Variants in ARHGEF26 observed in about 807,000 individuals in gnomAD.
The protein encoded by ARHGEF26 is Rho guanine nucleotide exchange factor (GEF) 26.
Under a neutral mutation model 89.4 loss-of-function variants are expected in ARHGEF26, and 59 were observed. That is an observed-to-expected ratio of 0.66 (90% CI 0.54 to 0.82). The LOEUF (loss-of-function observed/expected upper bound fraction) is 0.82, where lower values mean the gene tolerates loss of function less well. Among genes scored for constraint, ARHGEF26 ranks in the 40% least tolerant of loss-of-function variants. The pLI is 0.00. For missense variants in ARHGEF26, 1,234 were observed against 1,085.6 expected, an observed-to-expected ratio of 1.14 and a Z score of -1.92; for synonymous variants, 500 against 428.4, an observed-to-expected ratio of 1.17 and a Z score of -2.06.
chr3:154,256,924 A>AGAT lies in ARHGEF26; in HGVS notation c.*1452_*1454dup, dbSNP rs1180178228. The AGAT allele has an allele frequency of 6.5e-7, 1 of 1,534,952 alleles. No individual in the cohort carries two copies. The highest frequency in any genetic ancestry group is 2.0e-5 in the Admixed American group (1 of 50,926). ...CGGTTTCATGGAGATGAAGGATGGGAGATTAAGAGGGGGGAAATGATTTTT... is the reference window on the plus strand; with the variant it reads ...CGGTTTCATGGAGATGAAGGATGGGAGATGATTAAGAGGGGGGAAATGATTTTT... On this transcript the variant is annotated 3_prime_UTR_variant, in exon 15 of 15. Coordinates refer to ENST00000465093, the MANE Select transcript of ARHGEF26 (RefSeq NM_015595.4).
chr3:154,183,801 A>G (rs1713328132), intron 6 of ARHGEF26, among the ~76,000 whole-genome samples: 2 of 152,134 alleles, frequency 1.3e-5, no homozygotes, highest in African/African-American at 4.8e-5. Context: ...TGATAAATGA[A>G]ATTTTCCTTT....
At chr3:154,140,212 C>T (rs1403169233) in intron 4 of ARHGEF26, among the ~76,000 whole-genome samples, 1 of 152,198 alleles carries the variant, frequency 6.6e-6, no homozygotes, top group Non-Finnish European at 1.5e-5. Flanking sequence ...CACATATTTG[C>T]AGGAGACTTA....
At chr3:154,201,622 A>G (rs1172750971) in intron 9 of ARHGEF26, among the ~76,000 whole-genome samples, 3 of 151,250 alleles carry the variant, frequency 2.0e-5, no homozygotes, top group African/African-American at 4.8e-5. Flanking sequence ...TCCCACCAAC[A>G]GTGTAAAAGT....
intron 4 of ARHGEF26, among the ~76,000 whole-genome samples, chr3:154,134,814 C>T (rs1382237162): frequency 6.6e-6 from 1 of 151,586 alleles, no homozygotes; most frequent in African/African-American, 2.4e-5. Context: ...TTATCAAAAG[C>T]CTTTTCTGCA....
At chr3:154,154,643 G>A (rs59929244) in intron 6 of ARHGEF26, among the ~76,000 whole-genome samples, 8,341 of 151,880 alleles carry the variant, frequency 0.055, 654 homozygotes, top group African/African-American at 0.16. Flanking sequence ...TTATGTATAT[G>A]TATTCCCCTC....
chr3:154,135,331 C>G lies in ARHGEF26; in HGVS notation c.1269+5612C>G, dbSNP rs1265440604. Among the ~76,000 whole-genome samples, 3 of 152,108 alleles carry G rather than the reference C, an allele frequency of 2.0e-5. No homozygotes were observed. The East Asian group carries it at 5.8e-4, about 29-fold the overall frequency. The stretch of plus-strand genomic sequence containing the variant: ...AGGGTATATGTGTTCACGAATTTAT[C>G]CATTTCTTCTCGATTTTCTACTTTA... On this transcript the variant is annotated intron_variant, in intron 4 of 14. Transcript: ENST00000465093.
intron 9 of ARHGEF26, among the ~76,000 whole-genome samples, chr3:154,215,824 T>TATC (rs1284692708): frequency 1.3e-5 from 2 of 152,120 alleles, no homozygotes; most frequent in Non-Finnish European, 2.9e-5. Context: ...CTCCCAATAT[T>TATC]ATCACATTGC....
At chr3:154,218,105 AT>A (rs1435208527) in intron 10 of ARHGEF26, 147 bp downstream of exon 10, 3 of 716,812 alleles carry the variant, frequency 4.2e-6, no homozygotes, top group Non-Finnish European at 6.8e-6. Context: ...GCTTCAGGCA[AT>A]TTTGCTTTTG....
chr3:154,213,771 C>CA (rs918997500), intron 9 of ARHGEF26, among the ~76,000 whole-genome samples: 3 of 151,624 alleles, frequency 2.0e-5, no homozygotes, highest in Non-Finnish European at 1.5e-5. Flanking sequence ...CCCATCTCCA[C>CA]AAAAAAAGAC....
intron 10 of ARHGEF26, among the ~76,000 whole-genome samples, chr3:154,224,626 T>A (rs909825440): frequency 1.3e-5 from 2 of 152,080 alleles, no homozygotes; most frequent in Admixed American, 1.3e-4. Flanking sequence ...TCTGCCGGAG[T>A]TATCTAAGCA....
chr3:154,227,292 A>AT (rs10707250), intron 11 of ARHGEF26, among the ~76,000 whole-genome samples: 45 of 111,672 alleles, frequency 4.0e-4, no homozygotes, highest in Non-Finnish European at 5.0e-4. Flanking sequence ...CTAAGTAAAA[A>AT]TTTTTTTTTT....
intron 4 of ARHGEF26, among the ~76,000 whole-genome samples, chr3:154,137,549 T>C (rs1172482940): frequency 6.6e-6 from 1 of 152,238 alleles, no homozygotes; most frequent in Non-Finnish European, 1.5e-5. Flanking sequence ...GGTGGGGGAC[T>C]ACTTAGCTTG....
chr3:154,253,316 A>G (rs907781230), intron 13 of ARHGEF26, 133 bp downstream of exon 13: 3 of 955,786 alleles, frequency 3.1e-6, no homozygotes, highest in South Asian at 1.7e-5. Context: ...TCTGCTTTAC[A>G]CCAAAAATGT....
chr3:154,174,254 T>A lies in ARHGEF26; in HGVS notation c.1488-13431T>A, dbSNP rs571431765. 2.6e-5 allele frequency among the ~76,000 whole-genome samples: 4 copies of A among 152,332 alleles called. No homozygotes were observed. The South Asian group carries it at 8.3e-4, about 32-fold the overall frequency. On this transcript the variant is annotated intron_variant, in intron 6 of 14. Coordinates refer to ENST00000465093, the MANE Select transcript of ARHGEF26 (RefSeq NM_015595.4). ...AGCTCAGTGTTGCCAGATCTACTGATGTTTCAGAAAAAGTGGGAAATCTAG... is the reference window on the plus strand; with the variant it reads ...AGCTCAGTGTTGCCAGATCTACTGAAGTTTCAGAAAAAGTGGGAAATCTAG...
intron 4 of ARHGEF26, among the ~76,000 whole-genome samples, chr3:154,141,063 G>A (rs992446787): frequency 1.3e-5 from 2 of 151,972 alleles, no homozygotes; most frequent in Admixed American, 6.6e-5. Flanking sequence ...CTGGGTTCAC[G>A]CAGTTCTCCT....
chr3:154,127,368 T>C (rs184923746), intron 3 of ARHGEF26, among the ~76,000 whole-genome samples: 2 of 152,352 alleles, frequency 1.3e-5, no homozygotes, highest in Admixed American at 1.3e-4. Context: ...TTTTTCCTAT[T>C]GTAAAAAATT....
chr3:154,223,791 A>G (rs1047984866), intron 10 of ARHGEF26, among the ~76,000 whole-genome samples: 1 of 152,222 alleles, frequency 6.6e-6, no homozygotes, highest in Non-Finnish European at 1.5e-5. Flanking sequence ...AATATTATGA[A>G]CATACTAGAA....
At chr3:154,233,180 C>G (rs1190117755) in intron 11 of ARHGEF26, among the ~76,000 whole-genome samples, 1 of 152,092 alleles carries the variant, frequency 6.6e-6, no homozygotes. Context: ...CTACTCTTAC[C>G]TGCTGTGCCA....
intron 9 of ARHGEF26, among the ~76,000 whole-genome samples, chr3:154,206,883 C>A (rs1406646595): frequency 6.6e-6 from 1 of 151,452 alleles, no homozygotes; most frequent in African/African-American, 2.5e-5. Context: ...CTACAGTATC[C>A]AAAACAGCAT....
Sources: allele counts gnomAD v4.1 joint callset (sites outside exome capture counted in the v4.1 genomes callset), GRCh38; gene constraint gnomAD v4.1.1; transcripts MANE v1.5; gene names NCBI Gene and HGNC (gene_info 2026-07-23, HGNC 2026-07-21).